Variants in PARN observed in about 807,000 individuals in gnomAD.
PARN encodes poly(A)-specific ribonuclease PARN.
Under a neutral mutation model 102.8 loss-of-function variants are expected in PARN, and 71 were observed. The observed-to-expected ratio is 0.69, with a 90% CI of 0.57 to 0.84. The LOEUF (loss-of-function observed/expected upper bound fraction) is 0.84. Ranked by LOEUF, PARN falls within the 40% of genes least tolerant of loss-of-function variation. The probability of loss-of-function intolerance (pLI) is 0.00; values close to 1 mark genes in which losing one functional copy is unlikely to be tolerated. For synonymous variants in PARN, 261 were observed against 252.9 expected (o/e 1.03, Z -0.30); for missense variants, 782 against 760.9 (o/e 1.03, Z -0.33).
chr16:14,580,841 G>C (rs969306615), intron 18 of PARN, 33 bp downstream of exon 18: 4 of 1,337,836 alleles, frequency 3.0e-6, no homozygotes, highest in East Asian at 4.6e-5. Flanking sequence ...CACAGTGAGA[G>C]AACTTGGAAA....
chr16:14,629,055 G>C (rs1027809464), intron 2 of PARN, among the ~76,000 whole-genome samples: 3 of 152,172 alleles, frequency 2.0e-5, no homozygotes, highest in Non-Finnish European at 4.4e-5. Flanking sequence ...AATATTGTAA[G>C]ATTCCACTTA....
At chr16:14,443,536 G>T (rs1368730168) in intron 23 of PARN, among the ~76,000 whole-genome samples, 5 of 151,976 alleles carry the variant, frequency 3.3e-5, no homozygotes, top group African/African-American at 1.2e-4. Context: ...ACGGGGTTTC[G>T]CCATGTTGGC....
chr16:14,474,058 T>A (rs1349598054), intron 22 of PARN, among the ~76,000 whole-genome samples: 1 of 152,150 alleles, frequency 6.6e-6, no homozygotes, highest in Non-Finnish European at 1.5e-5. Flanking sequence ...AGTGGTGGGA[T>A]CATGGCTCAC....
chr16:14,627,357 A>T, intron 3 of PARN, 21 bp from the exon 4 acceptor site: 1 of 1,552,824 alleles, frequency 6.4e-7, no homozygotes, highest in Non-Finnish European at 8.8e-7. Context: ...GAAATAAAAC[A>T]TCTGTCACAA....
chr16:14,498,569 G>A (rs903988743), intron 21 of PARN, among the ~76,000 whole-genome samples: 1 of 151,886 alleles, frequency 6.6e-6, no homozygotes, highest in African/African-American at 2.4e-5. Flanking sequence ...CATCATACAC[G>A]ATCTGTCACC....
intron 21 of PARN, among the ~76,000 whole-genome samples, chr16:14,496,398 T>C (rs1474555197): frequency 6.6e-6 from 1 of 152,008 alleles, no homozygotes; most frequent in Admixed American, 6.6e-5. Flanking sequence ...AGATGGGAGT[T>C]TGGCAAAAAG....
chr16:14,608,829 C>A (rs1971350353), intron 8 of PARN, among the ~76,000 whole-genome samples: 1 of 152,184 alleles, frequency 6.6e-6, no homozygotes, highest in Non-Finnish European at 1.5e-5. Flanking sequence ...GTCAAGGTTG[C>A]ACAACAGTTT....
At chr16:14,499,015 T>C (rs1220631389) in intron 21 of PARN, among the ~76,000 whole-genome samples, 2 of 152,236 alleles carry the variant, frequency 1.3e-5, no homozygotes, top group African/African-American at 4.8e-5. Flanking sequence ...GATTTTGAAG[T>C]CCCATCCTGC....
intron 21 of PARN, among the ~76,000 whole-genome samples, chr16:14,492,872 T>C (rs1404357982): frequency 6.6e-6 from 1 of 152,162 alleles, no homozygotes; most frequent in East Asian, 1.9e-4. Context: ...TGGGGTGAGT[T>C]ACCTGCCTCC....
At chr16:14,553,256 T>TAAAAAAAAA (rs58411352) in intron 20 of PARN, among the ~76,000 whole-genome samples, 37 of 117,284 alleles carry the variant, frequency 3.2e-4, no homozygotes, top group East Asian at 9.7e-4. Flanking sequence ...TATTTCTATT[T>TAAAAAAAAA]AAAAAAAAAA....
chr16:14,593,491 TTAAA>T (rs1458414407), intron 12 of PARN, 113 bp from the exon 13 acceptor site: 80 of 27,636 alleles, frequency 2.9e-3, no homozygotes, highest in Middle Eastern at 0.019. Context: ...CTTTCCAGAC[TTAAA>T]AAAAAAAAAA....
At chr16:14,519,136 T>C (rs966006608) in intron 21 of PARN, among the ~76,000 whole-genome samples, 1 of 151,828 alleles carries the variant, frequency 6.6e-6, no homozygotes, top group African/African-American at 2.4e-5. Flanking sequence ...ATTCTTGCTA[T>C]GAGAGAAAGA....
At chr16:14,544,129 T>A (rs1187427280) in intron 21 of PARN, among the ~76,000 whole-genome samples, 2 of 151,792 alleles carry the variant, frequency 1.3e-5, no homozygotes, top group Non-Finnish European at 2.9e-5. Context: ...GAGGTGGAGG[T>A]TGCGGTGAGC....
chr16:14,601,122 C>A (rs1433698781), intron 11 of PARN, among the ~76,000 whole-genome samples: 1 of 152,094 alleles, frequency 6.6e-6, no homozygotes, highest in Non-Finnish European at 1.5e-5. Flanking sequence ...TGGGTATATA[C>A]CCCAAAGAAT....
At chr16:14,622,379 T>C (rs1242352518) in intron 5 of PARN, among the ~76,000 whole-genome samples, 1 of 152,234 alleles carries the variant, frequency 6.6e-6, no homozygotes, top group Non-Finnish European at 1.5e-5. Flanking sequence ...ATAGAATTGC[T>C]GATAACCACT....
chr16:14,480,798 G>C (rs185049791), intron 22 of PARN, among the ~76,000 whole-genome samples: 4 of 152,004 alleles, frequency 2.6e-5, no homozygotes, highest in African/African-American at 7.2e-5. Flanking sequence ...AAAATTAACC[G>C]GGTGTGGTGG....
chr16:14,627,766 T>A (rs1292261540), intron 3 of PARN, among the ~76,000 whole-genome samples: 1 of 152,056 alleles, frequency 6.6e-6, no homozygotes, highest in Non-Finnish European at 1.5e-5. Flanking sequence ...AGCAGGAGGA[T>A]CATTTGACGC....
rs539796164 is a variant in PARN, at chr16:14,509,068, G to A, written c.1481-26241C>T. Among the ~76,000 whole-genome samples, 12 of 151,970 alleles carry A rather than the reference G, an allele frequency of 7.9e-5. No homozygotes were observed. The East Asian group carries it at 1.2e-3, about 15-fold the overall frequency. On this transcript the variant is annotated intron_variant, in intron 21 of 23. Transcript: ENST00000437198. Reference sequence around the variant, plus strand: ...AAATAATTAAAATAACTCAGGTGACGTCACCCACTGAGACTGACTCTTAAG... The same window carrying A: ...AAATAATTAAAATAACTCAGGTGACATCACCCACTGAGACTGACTCTTAAG...
At chr16:14,465,872 C>T (rs1380034289) in intron 22 of PARN, among the ~76,000 whole-genome samples, 1 of 152,048 alleles carries the variant, frequency 6.6e-6, no homozygotes, top group Non-Finnish European at 1.5e-5. Flanking sequence ...GAGCTAAAGG[C>T]CATTATCCTT....
Sources: allele counts gnomAD v4.1 joint callset (sites outside exome capture counted in the v4.1 genomes callset), GRCh38; gene constraint gnomAD v4.1.1; transcripts MANE v1.5; gene names NCBI Gene and HGNC (gene_info 2026-07-23, HGNC 2026-07-21).